The following DGKZ variants were observed in gnomAD, a reference collection of about 807,000 sequenced individuals.
DGKZ encodes DAG kinase zeta.
In DGKZ, 45 loss-of-function variants were observed where a neutral mutation model predicts 142.5. That is an observed-to-expected ratio of 0.32 (90% CI 0.25 to 0.40). The LOEUF is 0.40. Among genes scored for constraint, DGKZ ranks in the 10% least tolerant of loss-of-function variants. DGKZ has a pLI of 1.00. For missense variants in DGKZ, 755 were observed against 1,306.5 expected, an observed-to-expected ratio of 0.58 and a Z score of 6.51; for synonymous variants, 442 against 527.0, an observed-to-expected ratio of 0.84 and a Z score of 2.21.
At chr11:46,369,203 G>A (rs1009957167) in intron 4 of DGKZ, 2 of 491,436 alleles carry the variant, frequency 4.1e-6, no homozygotes, top group Non-Finnish European at 3.7e-6. Context: ...AAAAAACAAC[G>A]AGCAAACCAT....
exon 31 of DGKZ, chr11:46,380,213 G>C: frequency 5.5e-6 from 2 of 363,568 alleles, no homozygotes; most frequent in Non-Finnish European, 1.0e-5. Flanking sequence ...CTTTGCCGGG[G>C]TTCTGGGGCA....
intron 6 of DGKZ, among the ~76,000 whole-genome samples, chr11:46,370,763 T>C (rs974888829): frequency 6.6e-6 from 1 of 152,164 alleles, no homozygotes; most frequent in Non-Finnish European, 1.5e-5. Flanking sequence ...TTCAGGCTTA[T>C]CTTATACATA....
In DGKZ at chr11:46,369,333, G is replaced by T. The variant is rs1191370898; in HGVS notation, c.445-161G>T. The T allele has an allele frequency of 5.5e-5, 42 of 762,952 alleles. 1 individual carries two copies. In the Admixed American group the frequency reaches 8.5e-4, roughly 15 times the overall value. 47.3% of individuals were successfully genotyped at this position (762,952 alleles called of 1,614,324 possible). A position where few individuals can be genotyped will look rare whatever the true frequency, so the allele number is the denominator to read the frequency against. ...GAGGAGGAGGCAGAGAGGCAGGAGG[G>T]CTTCTCACAGGAGGTGTCTCGTGTT... On this transcript the variant is annotated intron_variant, in intron 4 of 30. Transcript: ENST00000527911.
intron 1 of DGKZ, among the ~76,000 whole-genome samples, chr11:46,356,720 A>G (rs924089587): frequency 3.9e-5 from 6 of 152,098 alleles, no homozygotes; most frequent in African/African-American, 1.4e-4. Context: ...CACACTACTG[A>G]GTTCAAACCC....
Position 46,374,255 on chromosome 11 carries a change from G to A in DGKZ, c.1405+20G>A, listed in dbSNP as rs1221347376. ...CTCGAGGTTGGCAGCCTCCCACTGA[G>A]GCCAGGGCAGGGTGGGCACAGGAGT... On this transcript the variant is annotated intron_variant, in intron 15 of 30. Coordinates refer to ENST00000527911, the Ensembl canonical transcript of DGKZ. The A allele has an allele frequency of 6.2e-7, 1 of 1,613,836 alleles. No individual in the cohort carries two copies. The highest frequency in any genetic ancestry group is 2.2e-5 in the East Asian group (1 of 44,896).
exon 1 of DGKZ, chr11:46,332,936 G>A (rs1939841490): frequency 4.5e-6 from 1 of 224,318 alleles, no homozygotes; most frequent in Non-Finnish European, 8.6e-6. Flanking sequence ...ACTCGGGTGC[G>A]CGGCAGCAGC....
chr11:46,373,108 T>G lies in DGKZ; in HGVS notation c.1326+7T>G, dbSNP rs920073888. On this transcript the variant is annotated splice_region_variant and intron_variant, in intron 14 of 30. Transcript: ENST00000527911. ...TGAAGGCGCCACCGACCGGGTAAGT[T>G]GGCCAGGGTTGGTGGGGGGCAGGGC... is the stretch of plus-strand genomic sequence containing the variant. 1 of 1,541,330 alleles carries G rather than the reference T, an allele frequency of 6.5e-7. No individual in the cohort carries two copies. The highest frequency in any genetic ancestry group is 2.1e-5 in the Admixed American group (1 of 47,954).
Position 46,367,593 on chromosome 11 carries a change from C to T in DGKZ, c.271-59C>T. 6.9e-7 allele frequency: 1 copy of T among 1,456,256 alleles called. No individual in the cohort carries two copies. The highest frequency in any genetic ancestry group is 9.2e-7 in the Non-Finnish European group (1 of 1,081,286). The allele number at this position is 1,456,256 out of a possible 1,614,324, so 90.2% of individuals were successfully genotyped here. A position where few individuals can be genotyped will look rare whatever the true frequency, so the allele number is the denominator to read the frequency against. On this transcript the variant is annotated intron_variant, in intron 2 of 30. Transcript: ENST00000527911. This position sits in a 1 kb window ranked among gnomAD's most constrained non-coding sequence, Gnocchi z 4.1. ...TTGGGAGAGGGCGGGTGGGCGGGGGCTGATGGGAGGGAGGGCTGGGCGGCC... is the reference window on the plus strand; with the variant it reads ...TTGGGAGAGGGCGGGTGGGCGGGGGTTGATGGGAGGGAGGGCTGGGCGGCC...
chr11:46,363,004 C>A (rs994280961), intron 1 of DGKZ, among the ~76,000 whole-genome samples: 5 of 152,220 alleles, frequency 3.3e-5, no homozygotes, highest in African/African-American at 1.2e-4. Context: ...ACAGGCTCCC[C>A]ACCCGGAGAC....
At chr11:46,332,974 C>G in exon 1 of DGKZ, 1 of 286,740 alleles carries the variant, frequency 3.5e-6, no homozygotes. Context: ...GCTCTCCGCC[C>G]GGGCTCCGGC....
chr11:46,363,130 G>A (rs1590512604), intron 1 of DGKZ, among the ~76,000 whole-genome samples: 2 of 152,230 alleles, frequency 1.3e-5, no homozygotes, highest in Admixed American at 1.3e-4. Context: ...ACACTGTCAC[G>A]CAGAGCTGCG....
At chr11:46,366,567 T>C in intron 1 of DGKZ, 1 of 1,605,308 alleles carries the variant, frequency 6.2e-7, no homozygotes, top group East Asian at 2.2e-5. Flanking sequence ...GCCCAGCTTC[T>C]GGGTGCACCC....
intron 1 of DGKZ, among the ~76,000 whole-genome samples, chr11:46,363,680 G>C (rs1260814481): frequency 6.6e-6 from 1 of 152,222 alleles, no homozygotes; most frequent in Admixed American, 6.5e-5. Context: ...ACTGACTGTG[G>C]CCTTTTGTTT....
At chr11:46,348,201 G>A (rs1362977277) in intron 1 of DGKZ, among the ~76,000 whole-genome samples, 1 of 152,128 alleles carries the variant, frequency 6.6e-6, no homozygotes, top group Non-Finnish European at 1.5e-5. Context: ...CGCCTTCTTG[G>A]CACTGATAGA....
At chr11:46,379,094 G>A (rs759011862) in exon 28 of DGKZ, 19 of 1,605,650 alleles carry the variant, frequency 1.2e-5, no homozygotes, top group Middle Eastern at 1.8e-4. Context: ...GATGTGGTCC[G>A]CTACCTGCTG....
rs924601676 is a variant in DGKZ, at chr11:46,375,620, C to G, written c.1899C>G (p.Pro633=). Residue 633 remains proline (P), a synonymous_variant, in exon 20 of 31, where the codon CCC becomes CCG. Transcript: ENST00000527911. ...AGGCCAAGCGGCGGAGCGCCGCCCC[C>G]CTGCACAGCGAGTACGTCCCACCCT... 4.5e-6 allele frequency: 7 copies of G among 1,569,196 alleles called. No individual in the cohort carries two copies. The Admixed American group carries it at 5.4e-5, about 12-fold the overall frequency.
At chr11:46,375,620 C>T (rs924601676) in exon 20 of DGKZ, 5 of 1,569,314 alleles carry the variant, frequency 3.2e-6, no homozygotes, top group South Asian at 1.2e-5. Flanking sequence ...GCGCCGCCCC[C>T]CTGCACAGCG....
Position 46,366,402 on chromosome 11 carries a change from G to A in DGKZ, c.162-889G>A, listed in dbSNP as rs369703712. The A allele has an allele frequency of 9.8e-6, 15 of 1,526,732 alleles. No homozygotes were observed. The highest frequency in any genetic ancestry group is 8.2e-5 in the African/African-American group (6 of 72,792). The allele number at this position is 1,526,732 out of a possible 1,614,324, so 94.6% of individuals were successfully genotyped here. On this transcript the variant is annotated intron_variant, in intron 1 of 30. Transcript: ENST00000527911. The stretch of plus-strand genomic sequence containing the variant: ...CAGGCCTCCTCCTCACTGGCACAGC[G>A]GCGCCGCTCCAGCGCCCAGCTCCAG...
intron 6 of DGKZ, 83 bp from the exon 7 acceptor site, chr11:46,371,230 T>C (rs1943909723): frequency 1.5e-6 from 2 of 1,365,738 alleles, no homozygotes; most frequent in Middle Eastern, 2.2e-4. Context: ...TGTCTCTGGG[T>C]GGAGAGAGGC....
Sources: allele counts gnomAD v4.1 joint callset (sites outside exome capture counted in the v4.1 genomes callset), GRCh38; gene constraint gnomAD v4.1.1; non-coding constraint Gnocchi (gnomAD v3.1); transcripts MANE v1.5; gene names NCBI Gene and HGNC (gene_info 2026-07-23, HGNC 2026-07-21).